HS2ST1: variants seen among roughly 807,000 people sequenced by gnomAD.
HS2ST1 encodes the protein heparan sulfate 2-O-sulfotransferase 1, also known as 2-O-sulfotransferase.
HS2ST1 carries 18 observed loss-of-function variants against 42.9 expected under a neutral mutation model. The ratio of observed to expected loss-of-function variants is 0.42; its 90% CI spans 0.29 to 0.62. The LOEUF (loss-of-function observed/expected upper bound fraction) is 0.62, where lower values mean the gene tolerates loss of function less well. HS2ST1 is among the 20% of genes least tolerant of loss of function. The probability of loss-of-function intolerance (pLI) is 0.21; values close to 1 mark genes in which losing one functional copy is unlikely to be tolerated. For missense variants in HS2ST1, 334 were observed against 433.8 expected (o/e 0.77, Z 2.04); for synonymous variants, 146 against 152.9 (o/e 0.95, Z 0.33).
intron 1 of HS2ST1, among the ~76,000 whole-genome samples, chr1:87,044,584 G>A (rs1214406743): frequency 2.0e-5 from 3 of 152,148 alleles, no homozygotes; most frequent in Non-Finnish European, 2.9e-5. Flanking sequence ...ATAAAGGCAT[G>A]ATATTTATAA....
At chr1:87,017,583 G>A (rs1306378705) in intron 1 of HS2ST1, among the ~76,000 whole-genome samples, 4 of 152,124 alleles carry the variant, frequency 2.6e-5, no homozygotes, top group African/African-American at 7.2e-5. Flanking sequence ...AGAAGACAGC[G>A]GGCACAGTCA....
At chr1:87,053,495 C>T (rs966369283) in intron 1 of HS2ST1, among the ~76,000 whole-genome samples, 9 of 152,072 alleles carry the variant, frequency 5.9e-5, no homozygotes, top group African/African-American at 2.2e-4. Flanking sequence ...TTAATGTCTT[C>T]CTGAATAATT....
chr1:86,937,112 A>T (rs1660673360), intron 1 of HS2ST1, among the ~76,000 whole-genome samples: 1 of 152,100 alleles, frequency 6.6e-6, no homozygotes, highest in Admixed American at 6.6e-5. Flanking sequence ...CTCCAAAAAA[A>T]AACAAAAAGA....
At chr1:87,010,495 A>G (rs562604720) in intron 1 of HS2ST1, among the ~76,000 whole-genome samples, 1 of 152,324 alleles carries the variant, frequency 6.6e-6, no homozygotes, top group South Asian at 2.1e-4. Flanking sequence ...TAATGTAGGA[A>G]AAAAATATTA....
intron 2 of HS2ST1, among the ~76,000 whole-genome samples, chr1:87,077,527 T>C (rs575012947): frequency 2.0e-5 from 3 of 152,302 alleles, no homozygotes; most frequent in East Asian, 3.9e-4. Context: ...AATTACCTCT[T>C]CTAAGTTACT....
At chr1:87,065,334 G>A (rs1288544752) in intron 1 of HS2ST1, among the ~76,000 whole-genome samples, 1 of 152,144 alleles carries the variant, frequency 6.6e-6, no homozygotes, top group Non-Finnish European at 1.5e-5. Context: ...CTCTACAATA[G>A]GCATACTTGC....
intron 1 of HS2ST1, among the ~76,000 whole-genome samples, chr1:86,986,377 C>T (rs968214971): frequency 1.3e-5 from 2 of 152,060 alleles, no homozygotes; most frequent in Non-Finnish European, 2.9e-5. Flanking sequence ...ATTGTTCTAT[C>T]GAAACGTGCT....
At chr1:87,037,069 T>A (rs1380829172) in intron 1 of HS2ST1, among the ~76,000 whole-genome samples, 1 of 152,136 alleles carries the variant, frequency 6.6e-6, no homozygotes, top group Non-Finnish European at 1.5e-5. Context: ...TCAATTCATT[T>A]GTTTTGCTGA....
intron 1 of HS2ST1, among the ~76,000 whole-genome samples, chr1:87,000,189 A>G (rs940437465): frequency 3.9e-5 from 6 of 152,182 alleles, no homozygotes; most frequent in Non-Finnish European, 8.8e-5. Context: ...CTTTAAGTAC[A>G]TAAGAAGTGG....
intron 1 of HS2ST1, among the ~76,000 whole-genome samples, chr1:87,032,335 A>C (rs1650260100): frequency 1.3e-5 from 2 of 152,170 alleles, no homozygotes; most frequent in Admixed American, 1.3e-4. Flanking sequence ...TTGGGTGAGA[A>C]TTAATCTATT....
intron 1 of HS2ST1, among the ~76,000 whole-genome samples, chr1:87,053,140 A>T (rs188084939): frequency 6.6e-5 from 10 of 152,318 alleles, no homozygotes; most frequent in African/African-American, 1.2e-4. Context: ...TTCGTTAATG[A>T]TACCCAAACC....
intron 1 of HS2ST1, among the ~76,000 whole-genome samples, chr1:86,921,177 C>T (rs1026172338): frequency 6.6e-5 from 10 of 151,974 alleles, no homozygotes; most frequent in African/African-American, 2.4e-4. Context: ...CTGTAGATGT[C>T]GGTTGGTAGT....
At chr1:87,059,762 A>G (rs1651072708) in intron 1 of HS2ST1, among the ~76,000 whole-genome samples, 1 of 152,186 alleles carries the variant, frequency 6.6e-6, no homozygotes, top group Non-Finnish European at 1.5e-5. Context: ...TTTTCCCAAA[A>G]ATGCTCTGGG....
intron 5 of HS2ST1, 98 bp from the exon 6 acceptor site, chr1:87,103,334 G>A (rs1652259170): frequency 3.7e-6 from 4 of 1,083,932 alleles, no homozygotes; most frequent in Non-Finnish European, 5.2e-6. Context: ...GGATATACAT[G>A]TGTTTATCTA....
chr1:87,092,735 T>C (rs1651975692), intron 4 of HS2ST1, 66 bp downstream of exon 4: 2 of 1,019,942 alleles, frequency 2.0e-6, no homozygotes, highest in African/African-American at 3.4e-5. Context: ...GCAATGTGCT[T>C]TTAAAATTTG....
At chr1:86,965,284 C>G (rs1015324670) in intron 1 of HS2ST1, among the ~76,000 whole-genome samples, 1 of 151,966 alleles carries the variant, frequency 6.6e-6, no homozygotes, top group South Asian at 2.1e-4. Context: ...TGGTTCCTTA[C>G]CATTCATTCA....
intron 3 of HS2ST1, 134 bp from the exon 4 acceptor site, chr1:87,092,392 CATACA>C (rs2100650146): frequency 5.2e-6 from 2 of 386,546 alleles, no homozygotes; most frequent in Non-Finnish European, 8.9e-6. Context: ...GCCACATACA[CATACA>C]CAAATTATTT....
At chr1:86,996,442 CAAAAA>C (rs67401349) in intron 1 of HS2ST1, among the ~76,000 whole-genome samples, 4 of 112,876 alleles carry the variant, frequency 3.5e-5, no homozygotes, top group Admixed American at 1.8e-4. Flanking sequence ...AACTCTGTCT[CAAAAA>C]AAAAAAAAAA....
At chr1:86,971,955 T>C (rs1048244854) in intron 1 of HS2ST1, among the ~76,000 whole-genome samples, 1 of 152,234 alleles carries the variant, frequency 6.6e-6, no homozygotes, top group Non-Finnish European at 1.5e-5. Context: ...CTTTTTATAC[T>C]TGTCATAACT....
Sources: gnomAD v4.1 joint callset for allele counts (sites outside exome capture counted in the v4.1 genomes callset) on GRCh38, gnomAD v4.1.1 for gene constraint, MANE v1.5 for transcripts, NCBI Gene and HGNC (gene_info 2026-07-23, HGNC 2026-07-21) for gene names.